ZFHX4: variants seen among roughly 807,000 people sequenced by gnomAD.
ZFHX4 encodes the protein zinc finger homeobox protein 4.
In ZFHX4, 56 loss-of-function variants were observed where a neutral mutation model predicts 267.6. That is an observed-to-expected ratio of 0.21 (90% CI 0.17 to 0.26). The LOEUF (loss-of-function observed/expected upper bound fraction) is 0.26. ZFHX4 is among the 10% of genes least tolerant of loss of function. The pLI, the probability that ZFHX4 is intolerant of heterozygous loss-of-function variation, is 1.00. For synonymous variants in ZFHX4, 1,778 were observed against 1,665.6 expected, an observed-to-expected ratio of 1.07 and a Z score of -1.64; for missense variants, 4,332 against 4,420.0, an observed-to-expected ratio of 0.98 and a Z score of 0.56.
intron 3 of ZFHX4, among the ~76,000 whole-genome samples, chr8:76,725,077 A>G (rs1563486063): frequency 1.3e-5 from 2 of 152,182 alleles, no homozygotes; most frequent in East Asian, 3.9e-4. Context: ...CCTGTGTATG[A>G]AAGGGAACTC....
In ZFHX4 at chr8:76,704,055, C is replaced by T. The variant is rs1321627388; in HGVS notation, c.-34C>T. On this transcript the variant is annotated 5_prime_UTR_variant, in exon 2 of 11. Coordinates refer to ENST00000651372, the MANE Select transcript of ZFHX4 (RefSeq NM_024721.5). Reference sequence around the variant, plus strand: ...ATTTTTTATCCAGGTCCCTGACAGGCTGGATGAAATGAGATCCCCATGTAG... The same window carrying T: ...ATTTTTTATCCAGGTCCCTGACAGGTTGGATGAAATGAGATCCCCATGTAG... 6.4e-7 allele frequency: 1 copy of T among 1,556,078 alleles called. No homozygotes were observed. Among genetic ancestry groups the T allele is most frequent in the Non-Finnish European group, 8.7e-7 (1 of 1,153,648 alleles).
chr8:76,758,484 T>TTTTG (rs569657686), intron 3 of ZFHX4, among the ~76,000 whole-genome samples: 51 of 152,156 alleles, frequency 3.4e-4, no homozygotes, highest in African/African-American at 6.5e-4. Flanking sequence ...AAAAGAGTTT[T>TTTTG]TTTGTTTGTT....
chr8:76,803,911 CAA>C (rs1362992795), intron 4 of ZFHX4, among the ~76,000 whole-genome samples: 1 of 152,000 alleles, frequency 6.6e-6, no homozygotes, highest in Non-Finnish European at 1.5e-5. Flanking sequence ...TGTAATTATA[CAA>C]AAGTGATTTG....
chr8:76,690,751 G>A (rs1041228361), intron 1 of ZFHX4, among the ~76,000 whole-genome samples: 11 of 151,336 alleles, frequency 7.3e-5, no homozygotes, highest in African/African-American at 2.7e-4. Context: ...ATACACACAC[G>A]TCTACCCTCT....
At chr8:76,727,164 C>A (rs1409676621) in intron 3 of ZFHX4, among the ~76,000 whole-genome samples, 2 of 152,216 alleles carry the variant, frequency 1.3e-5, no homozygotes, top group East Asian at 3.9e-4. Context: ...ACTGTGACAT[C>A]TACTGAGAGT....
At chr8:76,758,205 C>A (rs1366393944) in intron 3 of ZFHX4, among the ~76,000 whole-genome samples, 1 of 152,006 alleles carries the variant, frequency 6.6e-6, no homozygotes, top group African/African-American at 2.4e-5. Flanking sequence ...ATGAAAAATG[C>A]TTTCTGGGAG....
chr8:76,709,670 T>G (rs1808371249), intron 3 of ZFHX4, among the ~76,000 whole-genome samples: 1 of 152,120 alleles, frequency 6.6e-6, no homozygotes. Context: ...AATGTATAAA[T>G]TTTCTATTTT....
At chr8:76,689,814 A>T (rs1179282656) in intron 1 of ZFHX4, among the ~76,000 whole-genome samples, 1 of 152,130 alleles carries the variant, frequency 6.6e-6, no homozygotes, top group African/African-American at 2.4e-5. Context: ...ATTTGAGTTT[A>T]TGCACTGGAC....
At chr8:76,822,450 C>CT (rs1418711368) in intron 4 of ZFHX4, among the ~76,000 whole-genome samples, 1 of 137,456 alleles carries the variant, frequency 7.3e-6, no homozygotes, top group African/African-American at 2.8e-5. Flanking sequence ...CTGTGTCTAC[C>CT]TCTTTTTTTT....
chr8:76,865,680 C>T lies in ZFHX4; in HGVS notation c.*1115C>T, dbSNP rs879413322. The T allele has an allele frequency of 1.7e-4, 26 of 152,148 alleles. No homozygotes were observed. Among genetic ancestry groups the T allele is most frequent in the African/African-American group, 4.8e-4 (20 of 41,268 alleles). The allele number at this position is 152,148 out of a possible 1,614,324, so 9.4% of individuals were successfully genotyped here. A position where few individuals can be genotyped will look rare whatever the true frequency, so the allele number is the denominator to read the frequency against. The stretch of plus-strand genomic sequence containing the variant: ...ATTATGAAAAGGTATATTTGCTTCT[C>T]GGGAAAGCAAAGAAGCTGCTTTAAA... On this transcript the variant is annotated 3_prime_UTR_variant, in exon 11 of 11. Coordinates refer to ENST00000651372, the MANE Select transcript of ZFHX4 (RefSeq NM_024721.5).
intron 4 of ZFHX4, among the ~76,000 whole-genome samples, chr8:76,827,402 C>G (rs747501719): frequency 6.6e-6 from 1 of 152,182 alleles, no homozygotes; most frequent in African/African-American, 2.4e-5. Context: ...GAGCGAGCCA[C>G]AGCCGCAGGG....
At chr8:76,727,148 G>A (rs1808874800) in intron 3 of ZFHX4, among the ~76,000 whole-genome samples, 1 of 152,106 alleles carries the variant, frequency 6.6e-6, no homozygotes, top group South Asian at 2.1e-4. Flanking sequence ...TCGTCTGCGT[G>A]CATCAACTGT....
At position 76,853,538 on chromosome 8, in the gene ZFHX4, T is replaced by C. The variant is rs766824610; in HGVS notation, c.6617T>C (p.Ile2206Thr). Residue 2206 changes from isoleucine (I) to threonine (T), a missense_variant, in exon 10 of 11, where the codon ATC becomes ACC. By Grantham distance (89) the Ile-to-Thr change is moderately conservative. This residue lies in a region of ZFHX4 where 48 missense variants were observed against 95.4 expected (regional missense o/e 0.50). Transcript: ENST00000651372. ...SNPPITVLED[I>T]RIDPQPTSLE... ...CCTCCTATAACGGTTTTAGAAGATATCAGAATTGATCCACAGCCCACCTCT... is the reference window on the plus strand; with the variant it reads ...CCTCCTATAACGGTTTTAGAAGATACCAGAATTGATCCACAGCCCACCTCT... 25 of 1,613,760 alleles carry C rather than the reference T, an allele frequency of 1.5e-5. No homozygotes were observed. The highest frequency in any genetic ancestry group is 6.6e-5 in the South Asian group (6 of 91,086).
At chr8:76,720,366 C>T (rs1808686193) in intron 3 of ZFHX4, among the ~76,000 whole-genome samples, 1 of 152,044 alleles carries the variant, frequency 6.6e-6, no homozygotes, top group Admixed American at 6.6e-5. Context: ...TTTTTATTAC[C>T]AAATTTTCAT....
intron 4 of ZFHX4, among the ~76,000 whole-genome samples, chr8:76,831,136 T>C (rs562791460): frequency 4.7e-4 from 71 of 152,218 alleles, no homozygotes; most frequent in Non-Finnish European, 9.3e-4. Context: ...GATTACACGA[T>C]GGTTTCTATA....
intron 4 of ZFHX4, among the ~76,000 whole-genome samples, chr8:76,807,986 A>G (rs572262802): frequency 1.9e-4 from 29 of 152,252 alleles, no homozygotes; most frequent in South Asian, 1.2e-3. Flanking sequence ...TAGATTATCA[A>G]AATAATACAA....
chr8:76,835,673 TAG>T (rs1255884339), intron 5 of ZFHX4, among the ~76,000 whole-genome samples: 1 of 152,034 alleles, frequency 6.6e-6, no homozygotes, highest in Non-Finnish European at 1.5e-5. Context: ...TAATATGAAA[TAG>T]AATAAACCTA....
At chr8:76,824,144 T>C (rs1811725746) in intron 4 of ZFHX4, among the ~76,000 whole-genome samples, 1 of 152,248 alleles carries the variant, frequency 6.6e-6, no homozygotes, top group Admixed American at 6.5e-5. Flanking sequence ...CTTATTGAGC[T>C]TCTTATTTTA....
At chr8:76,691,426 G>A (rs968100399) in intron 1 of ZFHX4, among the ~76,000 whole-genome samples, 4 of 152,062 alleles carry the variant, frequency 2.6e-5, no homozygotes, top group African/African-American at 9.7e-5. Flanking sequence ...TGTAAGGAAA[G>A]GATATGAAGT....
Sources: gnomAD v4.1 joint callset for allele counts (sites outside exome capture counted in the v4.1 genomes callset) on GRCh38, gnomAD v4.1.1 for gene constraint, gnomAD v4.1.1 regional missense constraint, MANE v1.5 for transcripts, NCBI Gene and HGNC (gene_info 2026-07-23, HGNC 2026-07-21) for gene names.